The following SLC8A2 variants were observed in gnomAD, a reference collection of about 807,000 sequenced individuals.
The protein encoded by SLC8A2 is solute carrier family 8 member A2.
In SLC8A2, 14 loss-of-function variants were observed where a neutral mutation model predicts 70.2. The observed-to-expected ratio is 0.20, with a 90% CI of 0.13 to 0.31. The LOEUF is 0.31. Among genes scored for constraint, SLC8A2 ranks in the 10% least tolerant of loss-of-function variants. The pLI is 1.00. For missense variants in SLC8A2, 779 were observed against 1,320.1 expected, an observed-to-expected ratio of 0.59 and a Z score of 6.35; for synonymous variants, 575 against 594.3, an observed-to-expected ratio of 0.97 and a Z score of 0.47.
intron 4 of SLC8A2, among the ~76,000 whole-genome samples, chr19:47,446,022 C>T (rs1028776868): frequency 3.9e-5 from 6 of 152,098 alleles, no homozygotes; most frequent in Non-Finnish European, 7.4e-5. Flanking sequence ...TGAACAGAGA[C>T]GCAGAGACCC....
intron 3 of SLC8A2, among the ~76,000 whole-genome samples, chr19:47,449,145 AAC>A (rs915848702): frequency 6.6e-6 from 1 of 152,160 alleles, no homozygotes; most frequent in Non-Finnish European, 1.5e-5. Flanking sequence ...ACAATAAACA[AAC>A]ACAGGATGTC....
chr19:47,455,562 C>T (rs2122640642), intron 3 of SLC8A2, among the ~76,000 whole-genome samples: 1 of 152,226 alleles, frequency 6.6e-6, no homozygotes, highest in East Asian at 1.9e-4. Flanking sequence ...TGATAAATGT[C>T]ATTATGGGAA....
At chr19:47,437,665 T>A in intron 7 of SLC8A2, 104 bp from the exon 8 acceptor site, 1 of 1,177,192 alleles carries the variant, frequency 8.5e-7, no homozygotes, top group Non-Finnish European at 1.3e-6. Flanking sequence ...CCAGGGGTCC[T>A]CAACTTTCCA....
rs748617492 is a variant in SLC8A2, at chr19:47,430,278, G to A, written c.2577C>T (p.Val859=). The stretch of plus-strand genomic sequence containing the variant: ...CGAAGGCGAAGACGGTGAAGAGCGT[G>A]ACGGAGAAGGCCAGCGTGCCAGTGC... ...EVRTGTLAFS[V]TLFTVFAFVG... is the part of the protein sequence containing the mutation. Residue 859 remains valine (V), a synonymous_variant, in exon 10 of 10, where the codon GTC becomes GTT. Coordinates refer to ENST00000236877, the MANE Select transcript of SLC8A2 (RefSeq NM_015063.3). This position sits in a 1 kb window ranked among gnomAD's most constrained non-coding sequence, Gnocchi z 5.9. 6.2e-7 allele frequency: 1 copy of A among 1,612,686 alleles called. No homozygotes were observed. The highest frequency in any genetic ancestry group is 8.5e-7 in the Non-Finnish European group (1 of 1,179,388).
Position 47,440,917 on chromosome 19 carries a change from C to T in SLC8A2, c.1885+252G>A, listed in dbSNP as rs572761047. 3.3e-5 allele frequency among the ~76,000 whole-genome samples: 5 copies of T among 152,208 alleles called. No homozygotes were observed. The South Asian group carries it at 8.3e-4, about 25-fold the overall frequency. ...CACCCAGGTAATTTTTGTATCTTTA[C>T]AAGAGATGGGGTTTCACCATGTTAC... On this transcript the variant is annotated intron_variant, in intron 6 of 9. Transcript: ENST00000236877.
chr19:47,448,266 AG>A lies in SLC8A2; in HGVS notation c.1341-36del. 2.0e-6 allele frequency: 3 copies of A among 1,536,690 alleles called. No homozygotes were observed. The highest frequency in any genetic ancestry group is 2.7e-6 in the Non-Finnish European group (3 of 1,131,710). On this transcript the variant is annotated intron_variant, in intron 3 of 9. Coordinates refer to ENST00000236877, the MANE Select transcript of SLC8A2 (RefSeq NM_015063.3). The surrounding 1 kb of genome is among the most constrained non-coding windows in gnomAD (Gnocchi z 4.8). ...GGTGGGGAGGGGGAAGAGCGGGGTG[AG>A]GGTCGGTCATCGGCTGTGTGTTGTA...
intron 4 of SLC8A2, among the ~76,000 whole-genome samples, chr19:47,445,405 G>A (rs141850334): frequency 0.037 from 5,650 of 152,104 alleles, 168 homozygotes; most frequent in Non-Finnish European, 0.051. Flanking sequence ...CACCGTGCCC[G>A]ACCTCTAAGT....
chr19:47,457,776 T>TC (rs1491440513), intron 2 of SLC8A2, among the ~76,000 whole-genome samples, 182 bp from the exon 3 acceptor site: 3 of 146,082 alleles, frequency 2.1e-5, no homozygotes, highest in Admixed American at 6.8e-5. Flanking sequence ...CCTTTCTTTC[T>TC]TTTTCTTTTC....
chr19:47,462,645 C>T (rs8101741), intron 2 of SLC8A2, among the ~76,000 whole-genome samples: 4,615 of 145,646 alleles, frequency 0.032, 235 homozygotes, highest in African/African-American at 0.11. Context: ...TGGAGTGCAG[C>T]GGCTCAATCT....
rs1199078953 is a variant in SLC8A2 at position 47,466,313 on chromosome 19, G to C, written c.91C>G (p.Pro31Ala). Residue 31 changes from proline to alanine, a missense_variant, in exon 2 of 10, where the codon CCC (proline) becomes GCC (alanine). Around this residue, in one of 6 missense-constraint regions of SLC8A2, gnomAD observed 65 missense variants for 61.3 expected, o/e 1.06. Coordinates refer to ENST00000236877, the MANE Select transcript of SLC8A2 (RefSeq NM_015063.3). The surrounding 1 kb of genome is among the most constrained non-coding windows in gnomAD (Gnocchi z 6.9). ...CTGGTGTCGCTGTCATTGGCCGGGG[G>C]AGGCGGCAGGGAGGGGGTTGGGGTG... ...AATPTPSLPP[P>A]PANDSDTSTG... 6.7e-7 allele frequency: 1 copy of C among 1,487,848 alleles called. No individual in the cohort carries two copies. Among genetic ancestry groups the C allele is most frequent in the Non-Finnish European group, 9.0e-7 (1 of 1,115,434 alleles). 92.2% of individuals were successfully genotyped at this position (1,487,848 alleles called of 1,614,324 possible). A position where few individuals can be genotyped will look rare whatever the true frequency, so the allele number is the denominator to read the frequency against.
intron 6 of SLC8A2, among the ~76,000 whole-genome samples, chr19:47,438,535 C>T (rs947814788): frequency 3.9e-5 from 6 of 152,122 alleles, no homozygotes; most frequent in Admixed American, 2.6e-4. Flanking sequence ...AATCTTGGAA[C>T]CAGACCCACC....
intron 2 of SLC8A2, among the ~76,000 whole-genome samples, chr19:47,459,206 C>T (rs1967357313): frequency 6.6e-6 from 1 of 151,506 alleles, no homozygotes; most frequent in South Asian, 2.1e-4. Flanking sequence ...CCATCTCGTT[C>T]TCTCTCTCTC....
chr19:47,432,120 C>T lies in SLC8A2; in HGVS notation c.2389+47G>A. On this transcript the variant is annotated intron_variant, in intron 9 of 9. Coordinates refer to ENST00000236877, the MANE Select transcript of SLC8A2 (RefSeq NM_015063.3). The surrounding 1 kb of genome is among the most constrained non-coding windows in gnomAD (Gnocchi z 6.2). ...TGGCAGGATCCTGTGTTGCCCCTGC[C>T]TGGCTCATCTGAGATCCTACCCCAC... 2 of 1,538,056 alleles carry T rather than the reference C, an allele frequency of 1.3e-6. No individual in the cohort carries two copies. Among genetic ancestry groups the T allele is most frequent in the African/African-American group, 1.4e-5 (1 of 73,294 alleles).
intron 1 of SLC8A2, among the ~76,000 whole-genome samples, chr19:47,471,328 C>T (rs1242423984): frequency 6.6e-6 from 1 of 151,852 alleles, no homozygotes; most frequent in African/African-American, 2.4e-5. Context: ...CCCAGAGAGA[C>T]TCCGAACAGA....
At chr19:47,450,321 A>C (rs1967219441) in intron 3 of SLC8A2, among the ~76,000 whole-genome samples, 1 of 152,174 alleles carries the variant, frequency 6.6e-6, no homozygotes, top group Non-Finnish European at 1.5e-5. Flanking sequence ...TCAGGAGTTC[A>C]AGACCAGCCT....
chr19:47,437,507 G>A lies in SLC8A2; in HGVS notation c.2065C>T (p.His689Tyr). ...TCTAAAAACTGCTCCCTCCATGAAT[G>A]GGTCCCAATTACCAAGGCCAAGTTC... ...KTNLALVIGT[H>Y]SWREQFLEAI... Residue 689 changes from histidine (H) to tyrosine (Y), a missense_variant, in exon 8 of 10, where the codon CAT (histidine) becomes TAT (tyrosine). His to Tyr is a moderately conservative substitution (Grantham distance 83, BLOSUM62 2). Around this residue, in one of 6 missense-constraint regions of SLC8A2, gnomAD observed 247 missense variants for 362.8 expected, o/e 0.68. Coordinates refer to ENST00000236877, the MANE Select transcript of SLC8A2 (RefSeq NM_015063.3). 1 of 1,613,816 alleles carries A rather than the reference G, an allele frequency of 6.2e-7. No individual in the cohort carries two copies. Among genetic ancestry groups the A allele is most frequent in the Non-Finnish European group, 8.5e-7 (1 of 1,179,896 alleles).
At position 47,468,973 on chromosome 19, in the gene SLC8A2, GTTC is replaced by G. The variant is rs1191994355; in HGVS notation, c.-16-2557_-16-2555del. Reference sequence around the variant, plus strand: ...CCAGGGGCTTCCATTTGCTTGAAAAGTTCTTCTGAGAGTCTAACCCACAGCCTG... The same window carrying G: ...CCAGGGGCTTCCATTTGCTTGAAAAGTTCTGAGAGTCTAACCCACAGCCTG... On this transcript the variant is annotated intron_variant, in intron 1 of 9. Coordinates refer to ENST00000236877, the MANE Select transcript of SLC8A2 (RefSeq NM_015063.3). The surrounding 1 kb of genome is among the most constrained non-coding windows in gnomAD (Gnocchi z 5.1). Among the ~76,000 whole-genome samples, 1 of 152,058 alleles carries G rather than the reference GTTC, an allele frequency of 6.6e-6. No homozygotes were observed. Among genetic ancestry groups the G allele is most frequent in the African/African-American group, 2.4e-5 (1 of 41,356 alleles).
chr19:47,465,597 G>A lies in SLC8A2; in HGVS notation c.675+132C>T, dbSNP rs1470107836. ...GTGTAGTCTGGTGACCTGCACAACC[G>A]TACTTGGCAGCCCTCTCAGATGTGA... On this transcript the variant is annotated intron_variant, in intron 2 of 9. Transcript: ENST00000236877. This position sits in a 1 kb window ranked among gnomAD's most constrained non-coding sequence, Gnocchi z 5.5. The A allele has an allele frequency of 1.4e-5, 11 of 806,904 alleles. No homozygotes were observed. The highest frequency in any genetic ancestry group is 5.5e-5 in the Admixed American group (2 of 36,632). The allele number at this position is 806,904 out of a possible 1,614,324, so 50.0% of individuals were successfully genotyped here.
chr19:47,435,215 CAA>C (rs1011286374), intron 8 of SLC8A2, among the ~76,000 whole-genome samples: 4 of 145,452 alleles, frequency 2.8e-5, no homozygotes, highest in African/African-American at 1.0e-4. Flanking sequence ...CTACATATCT[CAA>C]AAAAAAAAGA....
Sources: allele counts gnomAD v4.1 joint callset (sites outside exome capture counted in the v4.1 genomes callset), GRCh38; gene constraint gnomAD v4.1.1; regional missense constraint gnomAD v4.1.1; non-coding constraint Gnocchi (gnomAD v3.1); transcripts MANE v1.5; gene names NCBI Gene and HGNC (gene_info 2026-07-23, HGNC 2026-07-21).